NALCN: variants seen among roughly 807,000 people sequenced by gnomAD.
The protein encoded by NALCN is sodium leak channel NALCN.
A neutral mutation model predicts 225.3 loss-of-function variants in NALCN; 111 were observed. The observed-to-expected ratio is 0.49, with a 90% CI of 0.42 to 0.58. The LOEUF (loss-of-function observed/expected upper bound fraction) is 0.58, where lower values mean the gene tolerates loss of function less well. Ranked by LOEUF, NALCN falls within the 20% of genes least tolerant of loss-of-function variation. The pLI, the probability that NALCN is intolerant of heterozygous loss-of-function variation, is 0.00. For missense variants in NALCN, 1,378 were observed against 2,202.4 expected (o/e 0.63, Z 7.49); for synonymous variants, 764 against 769.0 (o/e 0.99, Z 0.11).
chr13:101,251,984 T>C (rs974338093), intron 11 of NALCN, among the ~76,000 whole-genome samples: 9 of 152,198 alleles, frequency 5.9e-5, no homozygotes, highest in Admixed American at 5.9e-4. Flanking sequence ...ACTGCTCATA[T>C]GGATATGATG....
intron 35 of NALCN, among the ~76,000 whole-genome samples, chr13:101,075,470 A>G (rs1309970103): frequency 6.6e-6 from 1 of 151,572 alleles, no homozygotes; most frequent in African/African-American, 2.4e-5. Flanking sequence ...AAAAAAAAAA[A>G]AAAAATCTGG....
Position 101,292,589 on chromosome 13 carries a change from A to T in NALCN, c.800-223T>A, listed in dbSNP as rs1191512974. Among the ~76,000 whole-genome samples, 1 of 152,232 alleles carries T rather than the reference A, an allele frequency of 6.6e-6. No individual in the cohort carries two copies. On this transcript the variant is annotated intron_variant, in intron 7 of 43. Transcript: ENST00000251127. The surrounding 1 kb of genome is among the most constrained non-coding windows in gnomAD (Gnocchi z 4.3). The stretch of plus-strand genomic sequence containing the variant: ...GGTAATTTCAACATCTAACAATAAA[A>T]TAATTTGATATTATACCTTTAGCTG...
rs375530411 is a variant in NALCN at position 101,209,175 on chromosome 13, C to G, written c.1627-17121G>C. 5.3e-5 allele frequency among the ~76,000 whole-genome samples: 8 copies of G among 152,222 alleles called. No individual in the cohort carries two copies. In the East Asian group the frequency reaches 9.7e-4, roughly 18 times the overall value. ...TATGTGTGTGTGCACCTCTCTCTCT[C>G]TGTGTATACCCATCCATCTCTCCAT... is the stretch of plus-strand genomic sequence containing the variant. On this transcript the variant is annotated intron_variant, in intron 13 of 43. Coordinates refer to ENST00000251127, the MANE Select transcript of NALCN (RefSeq NM_052867.4).
intron 2 of NALCN, among the ~76,000 whole-genome samples, chr13:101,395,744 A>T (rs2047272657): frequency 6.6e-6 from 1 of 152,138 alleles, no homozygotes; most frequent in Non-Finnish European, 1.5e-5. Flanking sequence ...ATGTGTTTGT[A>T]ATTTAGTCAC....
chr13:101,226,036 C>T (rs1050665912), intron 13 of NALCN, among the ~76,000 whole-genome samples: 3 of 152,082 alleles, frequency 2.0e-5, no homozygotes, highest in African/African-American at 7.2e-5. Flanking sequence ...TATACCACCC[C>T]TCTTCCTTTC....
chr13:101,364,958 T>C (rs1206593628), intron 6 of NALCN, among the ~76,000 whole-genome samples: 1 of 152,178 alleles, frequency 6.6e-6, no homozygotes, highest in Non-Finnish European at 1.5e-5. Context: ...ATTTTACATA[T>C]TCTACAAAAC....
At chr13:101,125,771 G>A (rs2036199881) in intron 17 of NALCN, among the ~76,000 whole-genome samples, 1 of 152,078 alleles carries the variant, frequency 6.6e-6, no homozygotes, top group African/African-American at 2.4e-5. Context: ...CTTGAAGGAA[G>A]GCTAAGATTC....
At chr13:101,146,682 T>C (rs2037361536) in intron 15 of NALCN, among the ~76,000 whole-genome samples, 2 of 152,216 alleles carry the variant, frequency 1.3e-5, no homozygotes, top group South Asian at 4.1e-4. Context: ...TATTGTTAAT[T>C]CATGCATTTG....
chr13:101,282,582 T>G (rs2043203190), intron 10 of NALCN, among the ~76,000 whole-genome samples: 1 of 152,130 alleles, frequency 6.6e-6, no homozygotes, highest in Non-Finnish European at 1.5e-5. Context: ...ACAAAGTGAT[T>G]CATTAATGGT....
At chr13:101,178,095 G>A (rs2039035918) in intron 14 of NALCN, among the ~76,000 whole-genome samples, 1 of 152,078 alleles carries the variant, frequency 6.6e-6, no homozygotes, top group Admixed American at 6.5e-5. Flanking sequence ...ATTCCAAACT[G>A]GACATTTTAA....
chr13:101,086,553 C>T (rs1486907974), intron 30 of NALCN, among the ~76,000 whole-genome samples: 1 of 151,900 alleles, frequency 6.6e-6, no homozygotes, highest in African/African-American at 2.4e-5. Flanking sequence ...TTATGGCCTT[C>T]TGGGAGACAC....
chr13:101,087,605 C>T (rs989946967), intron 30 of NALCN, among the ~76,000 whole-genome samples: 1 of 152,082 alleles, frequency 6.6e-6, no homozygotes, highest in African/African-American at 2.4e-5. Flanking sequence ...GTCAATTTCT[C>T]CTTTCTTTAA....
At chr13:101,302,299 A>G (rs1304745957) in intron 7 of NALCN, among the ~76,000 whole-genome samples, 1 of 152,202 alleles carries the variant, frequency 6.6e-6, no homozygotes, top group Non-Finnish European at 1.5e-5. Context: ...AAGAGCTACA[A>G]GAGCAATTAT....
At chr13:101,088,908 T>C (rs1056783660) in intron 30 of NALCN, among the ~76,000 whole-genome samples, 5 of 78,708 alleles carry the variant, frequency 6.4e-5, no homozygotes, top group African/African-American at 3.1e-4. Flanking sequence ...TTTCTTTTTT[T>C]TCTTTTTTTT....
At chr13:101,388,483 A>T (rs2047055318) in intron 3 of NALCN, among the ~76,000 whole-genome samples, 2 of 152,192 alleles carry the variant, frequency 1.3e-5, no homozygotes, top group Non-Finnish European at 2.9e-5. Context: ...TGGAAATGTG[A>T]AAATACTGGA....
chr13:101,309,199 T>C (rs964889885), intron 7 of NALCN, among the ~76,000 whole-genome samples: 2 of 152,144 alleles, frequency 1.3e-5, no homozygotes, highest in Non-Finnish European at 2.9e-5. Flanking sequence ...AATAAAATGT[T>C]AAAATACAGG....
intron 14 of NALCN, among the ~76,000 whole-genome samples, chr13:101,178,367 C>A (rs572006234): frequency 6.6e-6 from 1 of 152,150 alleles, no homozygotes; most frequent in African/African-American, 2.4e-5. Flanking sequence ...AAAGGGGGGT[C>A]GGAAGGGATC....
intron 34 of NALCN, among the ~76,000 whole-genome samples, chr13:101,076,416 C>T (rs954320699): frequency 6.6e-6 from 1 of 152,162 alleles, no homozygotes; most frequent in Non-Finnish European, 1.5e-5. Context: ...CCTCCCTGCT[C>T]AGGAACACAT....
intron 1 of NALCN, among the ~76,000 whole-genome samples, chr13:101,415,033 G>C (rs993509752): frequency 6.8e-6 from 1 of 147,556 alleles, no homozygotes; most frequent in Non-Finnish European, 1.5e-5. Context: ...AATGTTTCTC[G>C]TTGCAGATGT....
Sources: gnomAD v4.1 joint callset for allele counts (sites outside exome capture counted in the v4.1 genomes callset) on GRCh38, gnomAD v4.1.1 for gene constraint, Gnocchi (gnomAD v3.1) non-coding constraint, MANE v1.5 for transcripts, NCBI Gene and HGNC (gene_info 2026-07-23, HGNC 2026-07-21) for gene names.